The following SPRY3 variants were observed in gnomAD, a reference collection of about 807,000 sequenced individuals.
SPRY3 encodes the protein sprouty RTK signaling antagonist 3.
Under a neutral mutation model 20.2 loss-of-function variants are expected in SPRY3, and 15 were observed. The ratio of observed to expected loss-of-function variants is 0.74; its 90% CI spans 0.50 to 1.14. SPRY3 has a LOEUF of 1.14. Ranked by LOEUF, SPRY3 falls within the 50% of genes most tolerant of loss-of-function variation. SPRY3 has a pLI of 0.00. For missense variants in SPRY3, 364 were observed against 363.9 expected (o/e 1.00, Z 0.00); for synonymous variants, 143 against 136.5 (o/e 1.05, Z -0.33).
chrX:155,766,863 T>TAATGG (rs1267497489), intron 2 of SPRY3, among the ~76,000 whole-genome samples: 1 of 152,112 alleles, frequency 6.6e-6, no homozygotes, highest in Non-Finnish European at 1.5e-5. Context: ...GTAGGTTGGG[T>TAATGG]AATGGTTTCC....
At chrX:155,732,270 T>C (rs189067839) in intron 2 of SPRY3, among the ~76,000 whole-genome samples, 20 of 152,174 alleles carry the variant, frequency 1.3e-4, no homozygotes, top group Middle Eastern at 3.4e-3. Flanking sequence ...AGTGTGTTTA[T>C]GTAAAATTAA....
chrX:155,632,505 G>A (rs782301294), intron 1 of SPRY3, among the ~76,000 whole-genome samples: 4 of 111,635 alleles, frequency 3.6e-5, no homozygotes, highest in South Asian at 7.6e-4. Context: ...CAGCCAGCAG[G>A]TCATCTGAGG....
chrX:155,719,665 T>A (rs781752043), intron 2 of SPRY3, among the ~76,000 whole-genome samples: 10 of 151,726 alleles, frequency 6.6e-5, no homozygotes, highest in Admixed American at 5.3e-4. Flanking sequence ...TTGGTCAGAG[T>A]CACAAGACCC....
intron 3 of SPRY3, among the ~76,000 whole-genome samples, chrX:155,768,394 C>A (rs1156928299): frequency 2.0e-5 from 3 of 152,072 alleles, no homozygotes; most frequent in Admixed American, 6.6e-5. Flanking sequence ...TTTTTCTAGG[C>A]GAATGTCAAT....
chrX:155,677,053 A>G (rs993692922), intron 2 of SPRY3, among the ~76,000 whole-genome samples: 1 of 111,840 alleles, frequency 8.9e-6, no homozygotes, highest in African/African-American at 3.3e-5. Flanking sequence ...TATTGAAGAT[A>G]TTAATTAAAT....
intron 2 of SPRY3, among the ~76,000 whole-genome samples, chrX:155,737,601 G>A (rs1477857492): frequency 6.6e-6 from 1 of 152,092 alleles, no homozygotes; most frequent in Non-Finnish European, 1.5e-5. Flanking sequence ...ACCAAATAAA[G>A]AATGAATAAA....
intron 2 of SPRY3, among the ~76,000 whole-genome samples, chrX:155,724,810 T>G (rs2091086405): frequency 6.6e-6 from 1 of 152,174 alleles, no homozygotes; most frequent in African/African-American, 2.4e-5. Flanking sequence ...TACCATTTAT[T>G]TCTTTCTCTT....
At chrX:155,690,936 C>A (rs1294586937) in intron 2 of SPRY3, among the ~76,000 whole-genome samples, 1 of 87,085 alleles carries the variant, frequency 1.1e-5, no homozygotes, top group Non-Finnish European at 2.1e-5. Context: ...TTCTAGCTTG[C>A]TTTTTCATTT....
chrX:155,749,800 A>G (rs2091251098), intron 2 of SPRY3, among the ~76,000 whole-genome samples: 1 of 151,900 alleles, frequency 6.6e-6, no homozygotes, highest in African/African-American at 2.4e-5. Context: ...TTTTTGTTGG[A>G]GAATGAAGAG....
At chrX:155,779,468 G>A (rs973474252), downstream of SPRY3, 2 of 166,840 alleles carry the variant, frequency 1.2e-5, no homozygotes, top group Non-Finnish European at 2.9e-5. Context: ...TTGCTTTAAA[G>A]GGCTTCTTTT....
At chrX:155,633,355 A>G (rs1557350687) in intron 1 of SPRY3, among the ~76,000 whole-genome samples, 1 of 98,906 alleles carries the variant, frequency 1.0e-5, no homozygotes, top group Non-Finnish European at 2.0e-5. Context: ...CCTGGCTAAC[A>G]AGGTGAAACC....
chrX:155,728,223 C>T (rs1015594042), intron 2 of SPRY3, among the ~76,000 whole-genome samples: 3 of 152,186 alleles, frequency 2.0e-5, no homozygotes, highest in African/African-American at 7.2e-5. Flanking sequence ...TATGAAGTGT[C>T]TGTCAGCCCC....
chrX:155,658,999 G>A lies in SPRY3; in HGVS notation c.-282+1974G>A, dbSNP rs1461629145. On this transcript the variant is annotated intron_variant, in intron 2 of 3. Transcript: ENST00000675360. ...GTGAATCACATTTATTAATTTGCAT[G>A]TGTTGAACCACCCTTGTATCCCTGG... Among the ~76,000 whole-genome samples the A allele has an allele frequency of 3.6e-5, 4 of 111,430 alleles. No individual in the cohort carries two copies. The Admixed American group carries it at 3.8e-4, about 11-fold the overall frequency.
intron 2 of SPRY3, among the ~76,000 whole-genome samples, chrX:155,751,933 TA>T (rs1278016206): frequency 3.5e-5 from 1 of 28,272 alleles, no homozygotes; most frequent in Non-Finnish European, 5.4e-5. Flanking sequence ...GGAAATAAAA[TA>T]AAATAAAATA....
At position 155,767,339 on chromosome X, in the gene SPRY3, C is replaced by T. The variant is rs182333241; in HGVS notation, c.-281-623C>T. On this transcript the variant is annotated intron_variant, in intron 2 of 3. Coordinates refer to ENST00000675360, the Ensembl canonical transcript of SPRY3. ...GAAATCATCTACATTCACAAAACGG[C>T]CAGCTAGCTAAGCTGAACACACTGC... Among the ~76,000 whole-genome samples the T allele has an allele frequency of 4.8e-3, 731 of 152,176 alleles. 23 individuals carry two copies. Among genetic ancestry groups the T allele is most frequent in the Admixed American group, 0.041 (629 of 15,286 alleles).
chrX:155,780,780 G>T (rs1473952359), downstream of SPRY3: 1 of 166,826 alleles, frequency 6.0e-6, no homozygotes, highest in Non-Finnish European at 1.5e-5. Flanking sequence ...AAGGCCCCAG[G>T]CCTTTCTTAA....
intron 2 of SPRY3, among the ~76,000 whole-genome samples, chrX:155,683,056 C>T (rs1603134261): frequency 1.8e-5 from 2 of 111,792 alleles, no homozygotes; most frequent in South Asian, 3.7e-4. Flanking sequence ...TTTAACATGA[C>T]GAGGAGTTGC....
intron 2 of SPRY3, among the ~76,000 whole-genome samples, chrX:155,737,197 G>A (rs1467826083): frequency 6.6e-6 from 1 of 152,018 alleles, no homozygotes; most frequent in East Asian, 1.9e-4. Context: ...ATCCAAGTGT[G>A]GCTGTGATGC....
chrX:155,706,117 A>G (rs778275947), intron 2 of SPRY3, among the ~76,000 whole-genome samples: 1 of 151,430 alleles, frequency 6.6e-6, no homozygotes, highest in East Asian at 1.9e-4. Flanking sequence ...TTAGGGTCAT[A>G]AGACAAACCT....
Sources: allele counts gnomAD v4.1 joint callset (sites outside exome capture counted in the v4.1 genomes callset), GRCh38; gene constraint gnomAD v4.1.1; transcripts MANE v1.5; gene names NCBI Gene and HGNC (gene_info 2026-07-23, HGNC 2026-07-21).